POT1: variants seen among roughly 807,000 people sequenced by gnomAD.
The protein encoded by POT1 is protection of telomeres protein 1.
A neutral mutation model predicts 78.5 loss-of-function variants in POT1; 47 were observed. The ratio of observed to expected loss-of-function variants is 0.60; its 90% CI spans 0.47 to 0.76. The LOEUF is 0.76. Ranked by LOEUF, POT1 falls within the 30% of genes least tolerant of loss-of-function variation. POT1 has a pLI of 0.00. For synonymous variants in POT1, 259 were observed against 260.7 expected, an observed-to-expected ratio of 0.99 and a Z score of 0.06; for missense variants, 646 against 749.9, an observed-to-expected ratio of 0.86 and a Z score of 1.62.
rs562410262 is a variant in POT1 at position 124,884,535 on chromosome 7, C to A, written c.124+7731G>T. Among the ~76,000 whole-genome samples, 22 of 152,096 alleles carry A rather than the reference C, an allele frequency of 1.4e-4. 1 individual carries two copies. In the South Asian group the frequency reaches 3.7e-3, roughly 26 times the overall value. ...ACAAGTAATTTTGGAACAGACCATA[C>A]CTGAGGTAAGGTAGTGAGCCCACAG... On this transcript the variant is annotated intron_variant, in intron 6 of 18. Transcript: ENST00000357628.
At chr7:124,883,023 T>A (rs1331980124) in intron 6 of POT1, among the ~76,000 whole-genome samples, 1 of 152,038 alleles carries the variant, frequency 6.6e-6, no homozygotes, top group East Asian at 1.9e-4. Flanking sequence ...GAGGCTTGTC[T>A]CAACTACCCA....
chr7:124,842,893 T>A lies in POT1; in HGVS notation c.1077A>T (p.Gln359His). 1 of 1,610,094 alleles carries A rather than the reference T, an allele frequency of 6.2e-7. No homozygotes were observed. Among genetic ancestry groups the A allele is most frequent in the Non-Finnish European group, 8.5e-7 (1 of 1,178,430 alleles). ...CAILKQKAPQ[Q>H]YRIRAKLRSY... Reference sequence around the variant, plus strand: ...ACCTCAATTTTGCTCGGATGCGGTATTGTTGAGGAGCTTTTTGTTTCAAAA... The same window carrying A: ...ACCTCAATTTTGCTCGGATGCGGTAATGTTGAGGAGCTTTTTGTTTCAAAA... The change falls in exon 13 of 19, where the codon CAA becomes CAT. Residue 359 changes from glutamine to histidine, a missense_variant. Physicochemically the swap from Gln to His is conservative, Grantham distance 24. Transcript: ENST00000357628.
chr7:124,869,732 C>G (rs1005335694), intron 7 of POT1, among the ~76,000 whole-genome samples: 2 of 152,008 alleles, frequency 1.3e-5, no homozygotes, highest in African/African-American at 2.4e-5. Flanking sequence ...ACAAGCATTA[C>G]CACCACGCCC....
chr7:124,839,760 T>A (rs1333726557), intron 14 of POT1, among the ~76,000 whole-genome samples: 3 of 152,132 alleles, frequency 2.0e-5, no homozygotes, highest in Non-Finnish European at 4.4e-5. Flanking sequence ...TTTCCCTATG[T>A]CCCCTAGCCT....
chr7:124,878,126 T>A (rs1796034369), intron 6 of POT1, among the ~76,000 whole-genome samples: 1 of 151,802 alleles, frequency 6.6e-6, no homozygotes, highest in Non-Finnish European at 1.5e-5. Context: ...TGGCCAGGAG[T>A]TTGAGACTAG....
chr7:124,862,776 T>A (rs965592355), intron 8 of POT1, among the ~76,000 whole-genome samples: 1 of 152,170 alleles, frequency 6.6e-6, no homozygotes. Context: ...AAGAAAAACA[T>A]CAAACATCCA....
chr7:124,873,608 C>T (rs570007330), intron 6 of POT1, among the ~76,000 whole-genome samples: 5 of 152,184 alleles, frequency 3.3e-5, no homozygotes, highest in East Asian at 1.9e-4. Context: ...ATGCTGGCCT[C>T]GTGAAATGAG....
rs907969253 is a variant in POT1, at chr7:124,824,017, T to A, written c.1850A>T (p.Asp617Val). The change falls in exon 19 of 19, where the codon GAT becomes GTT. Residue 617 changes from aspartate to valine, a missense_variant. Asp to Val is a radical substitution (Grantham distance 152). Transcript: ENST00000357628. Reference protein sequence around the residue: ...IKSYNVTNGTDNQICYQIFDT... With the variant: ...IKSYNVTNGTVNQICYQIFDT... Reference sequence around the variant, plus strand: ...AAAAATCTGATAGCAAATTTGATTATCTGTTCCATTTGTGACATTGTATGA... The same window carrying A: ...AAAAATCTGATAGCAAATTTGATTAACTGTTCCATTTGTGACATTGTATGA... 1 of 1,609,602 alleles carries A rather than the reference T, an allele frequency of 6.2e-7. No homozygotes were observed. The highest frequency in any genetic ancestry group is 8.5e-7 in the Non-Finnish European group (1 of 1,176,842).
At chr7:124,844,417 CTG>C (rs1795110426) in intron 12 of POT1, among the ~76,000 whole-genome samples, 1 of 149,580 alleles carries the variant, frequency 6.7e-6, no homozygotes, top group South Asian at 2.1e-4. Context: ...GCGTGAGCCA[CTG>C]CACCCAGCTG....
intron 3 of POT1, among the ~76,000 whole-genome samples, chr7:124,906,309 G>A (rs10243490): frequency 0.6 from 91,327 of 151,816 alleles, 27,593 homozygotes; most frequent in African/African-American, 0.65. Context: ...CTATGCAACC[G>A]TAAAAAATGA....
intron 9 of POT1, among the ~76,000 whole-genome samples, chr7:124,856,855 T>A (rs1795458821): frequency 6.6e-6 from 1 of 152,188 alleles, no homozygotes; most frequent in African/African-American, 2.4e-5. Flanking sequence ...AACTAATCAA[T>A]GTAGATAATA....
intron 3 of POT1, among the ~76,000 whole-genome samples, chr7:124,904,725 A>G (rs1796716305): frequency 6.6e-6 from 1 of 152,226 alleles, no homozygotes; most frequent in Non-Finnish European, 1.5e-5. Context: ...TGCAGATGAC[A>G]TGATTATATG....
rs1173735920 is a variant in POT1 at position 124,841,069 on chromosome 7, T to C, written c.1273A>G (p.Thr425Ala). The change falls in exon 14 of 19, where the codon ACC becomes GCC. Residue 425 changes from threonine to alanine, a missense_variant. Coordinates refer to ENST00000357628, the MANE Select transcript of POT1 (RefSeq NM_015450.3). The stretch of plus-strand genomic sequence containing the variant: ...TTTCGTCCTTTTTGATTTTTAGTGG[T>C]CCAGATTTTTGAATCATATAATGAT... ...NTSLYDSKIWTTKNQKGRKVA... is the reference protein window; with the variant it reads ...NTSLYDSKIWATKNQKGRKVA... 3.7e-6 allele frequency: 6 copies of C among 1,612,690 alleles called. No homozygotes were observed. The highest frequency in any genetic ancestry group is 5.1e-6 in the Non-Finnish European group (6 of 1,178,996).
intron 6 of POT1, among the ~76,000 whole-genome samples, chr7:124,885,781 A>C: frequency 1.1e-5 from 1 of 93,214 alleles, no homozygotes; most frequent in Non-Finnish European, 2.4e-5. Flanking sequence ...TAAATAAATA[A>C]ATAAAAATAA....
At chr7:124,866,221 G>A (rs558132989) in intron 7 of POT1, among the ~76,000 whole-genome samples, 6 of 145,678 alleles carry the variant, frequency 4.1e-5, no homozygotes, top group East Asian at 4.0e-4. Flanking sequence ...AGTCTTCTCC[G>A]TAGAACTTGT....
intron 3 of POT1, among the ~76,000 whole-genome samples, chr7:124,908,613 CAT>C (rs1048762032): frequency 2.1e-5 from 2 of 95,050 alleles, no homozygotes; most frequent in Non-Finnish European, 4.7e-5. Context: ...ATTCAATATT[CAT>C]AGTTACATAT....
At chr7:124,923,184 G>A (rs535827708) in intron 2 of POT1, among the ~76,000 whole-genome samples, 21 of 151,498 alleles carry the variant, frequency 1.4e-4, no homozygotes, top group African/African-American at 3.1e-4. Flanking sequence ...AAAATTCCTC[G>A]AAATGCCAGA....
intron 6 of POT1, among the ~76,000 whole-genome samples, chr7:124,878,237 C>G (rs1009936340): frequency 1.3e-5 from 2 of 151,926 alleles, no homozygotes; most frequent in Non-Finnish European, 2.9e-5. Context: ...GAGGCTGAGG[C>G]ACAAGAATCA....
At chr7:124,913,617 A>G (rs1161460292) in intron 3 of POT1, among the ~76,000 whole-genome samples, 1 of 152,192 alleles carries the variant, frequency 6.6e-6, no homozygotes, top group Admixed American at 6.5e-5. Flanking sequence ...TCTTATATAT[A>G]GATGCTTAAT....
Sources: allele counts gnomAD v4.1 joint callset (sites outside exome capture counted in the v4.1 genomes callset), GRCh38; gene constraint gnomAD v4.1.1; transcripts MANE v1.5; gene names NCBI Gene and HGNC (gene_info 2026-07-23, HGNC 2026-07-21).